The following STK3 variants were observed in gnomAD, a reference collection of about 807,000 sequenced individuals.
STK3 encodes serine/threonine-protein kinase 3.
In STK3, 41 loss-of-function variants were observed where a neutral mutation model predicts 58.0. That is an observed-to-expected ratio of 0.71 (90% CI 0.55 to 0.92). The LOEUF is 0.92. Among genes scored for constraint, STK3 ranks in the 40% least tolerant of loss-of-function variants. The pLI is 0.00. For missense variants in STK3, 479 were observed against 602.7 expected, an observed-to-expected ratio of 0.79 and a Z score of 2.15; for synonymous variants, 170 against 191.0, an observed-to-expected ratio of 0.89 and a Z score of 0.91.
At chr8:98,584,255 C>G (rs1463916438) in intron 7 of STK3, among the ~76,000 whole-genome samples, 2 of 151,632 alleles carry the variant, frequency 1.3e-5, no homozygotes, top group Admixed American at 6.6e-5. Context: ...CCCTTCCCCC[C>G]ACCCCACAAC....
intron 6 of STK3, among the ~76,000 whole-genome samples, chr8:98,622,879 T>C (rs1818431668): frequency 6.6e-6 from 1 of 152,206 alleles, no homozygotes; most frequent in African/African-American, 2.4e-5. Context: ...TCTACAGCAT[T>C]TAATTGTTAC....
At chr8:98,899,998 T>G (rs1415258220) in intron 1 of STK3, among the ~76,000 whole-genome samples, 2 of 152,236 alleles carry the variant, frequency 1.3e-5, no homozygotes, top group Non-Finnish European at 2.9e-5. Flanking sequence ...TGGCTAGTAA[T>G]ATAAATGTAT....
intron 1 of STK3, among the ~76,000 whole-genome samples, chr8:98,380,748 G>A (rs551038129): frequency 1.1e-4 from 17 of 152,200 alleles, no homozygotes; most frequent in Non-Finnish European, 1.9e-4. Flanking sequence ...GAAAAGTTGA[G>A]CATGCTTTCA....
chr8:98,403,823 G>C (rs1817967721), intron 3 of STK3, among the ~76,000 whole-genome samples: 1 of 152,224 alleles, frequency 6.6e-6, no homozygotes, highest in Non-Finnish European at 1.5e-5. Flanking sequence ...CCAGTGCTCT[G>C]GTAAGTGCCA....
intron 10 of STK3, among the ~76,000 whole-genome samples, chr8:98,499,818 G>C (rs1823431375): frequency 6.6e-6 from 1 of 152,190 alleles, no homozygotes; most frequent in South Asian, 2.1e-4. Context: ...TGATTTGGAT[G>C]AGATCTTGGA....
intron 1 of STK3, among the ~76,000 whole-genome samples, chr8:98,891,960 C>A (rs927352635): frequency 1.3e-5 from 2 of 152,116 alleles, no homozygotes; most frequent in Admixed American, 6.5e-5. Context: ...TGACAAAAGA[C>A]CTCCCTATGC....
rs182574911 is a variant in STK3 at position 98,752,613 on chromosome 8, T to C, written c.237-3223A>G. On this transcript the variant is annotated intron_variant, in intron 3 of 10. Transcript: ENST00000419617. Reference sequence around the variant, plus strand: ...AATTGGCAAATGGGATCTAGTAAAATCAAAGAGCTTCTGTACAGCAAAAGA... The same window carrying C: ...AATTGGCAAATGGGATCTAGTAAAACCAAAGAGCTTCTGTACAGCAAAAGA... Among the ~76,000 whole-genome samples, 496 of 151,516 alleles carry C rather than the reference T, an allele frequency of 3.3e-3. 1 individual carries two copies. Among genetic ancestry groups the C allele is most frequent in the African/African-American group, 0.011 (474 of 41,288 alleles).
chr8:98,878,059 T>C (rs1837623267), intron 3 of STK3, among the ~76,000 whole-genome samples: 1 of 145,722 alleles, frequency 6.9e-6, no homozygotes, highest in South Asian at 2.2e-4. Context: ...CAAAAGAAAA[T>C]CTTTTTTTTT....
chr8:98,915,444 A>ATATATATATATATT (rs1190802437), intron 1 of STK3, among the ~76,000 whole-genome samples: 3 of 41,296 alleles, frequency 7.3e-5, no homozygotes, highest in East Asian at 1.8e-3. Context: ...ATATATATAT[A>ATATATATATATATT]TATATATATA....
chr8:98,720,516 C>T lies in STK3; in HGVS notation c.352-13205G>A, dbSNP rs574087122. ...CTGTAATCCCAGCACTTTGGAAGGCCGAGGCAGGTGGATCACAAGGTCAGG... is the reference window on the plus strand; with the variant it reads ...CTGTAATCCCAGCACTTTGGAAGGCTGAGGCAGGTGGATCACAAGGTCAGG... On this transcript the variant is annotated intron_variant, in intron 4 of 10. Transcript: ENST00000419617. Among the ~76,000 whole-genome samples the T allele has an allele frequency of 5.9e-5, 9 of 152,052 alleles. No homozygotes were observed. In the South Asian group the frequency reaches 8.3e-4, roughly 14 times the overall value.
At position 98,502,417 on chromosome 8, in the gene STK3, C is replaced by A. The variant is rs1823680851; in HGVS notation, c.1317+24325G>T. Among the ~76,000 whole-genome samples the A allele has an allele frequency of 2.0e-5, 3 of 152,128 alleles. No individual in the cohort carries two copies. In the South Asian group the frequency reaches 6.2e-4, roughly 32 times the overall value. On this transcript the variant is annotated intron_variant, in intron 10 of 10. Transcript: ENST00000419617. Reference sequence around the variant, plus strand: ...TTTATTTCTTTCTCTTGCCTGATTGCCCTGACCAGAACTTCCAACACTATG... The same window carrying A: ...TTTATTTCTTTCTCTTGCCTGATTGACCTGACCAGAACTTCCAACACTATG...
At chr8:98,473,521 A>T (rs997939172) in intron 10 of STK3, among the ~76,000 whole-genome samples, 4 of 152,204 alleles carry the variant, frequency 2.6e-5, no homozygotes, top group African/African-American at 9.6e-5. Flanking sequence ...AACTTCTCAA[A>T]GTATGGAGAA....
At chr8:98,721,074 C>T (rs1827384682) in intron 4 of STK3, 1 of 984,618 alleles carries the variant, frequency 1.0e-6, no homozygotes, top group Non-Finnish European at 1.2e-6. Context: ...GCACACTCAC[C>T]TGGCCAATAA....
intron 1 of STK3, among the ~76,000 whole-genome samples, chr8:98,885,001 G>T (rs1270851910): frequency 6.6e-6 from 1 of 152,192 alleles, no homozygotes; most frequent in African/African-American, 2.4e-5. Flanking sequence ...GTGTGGTTGG[G>T]CATGGTGTTG....
intron 10 of STK3, 43 bp from the exon 11 acceptor site, chr8:98,456,043 C>A: frequency 1.3e-6 from 2 of 1,534,228 alleles, no homozygotes; most frequent in Non-Finnish European, 1.8e-6. Flanking sequence ...AAATTATCCA[C>A]ATTATCCACA....
At position 98,749,264 on chromosome 8, in the gene STK3, T is replaced by A. The variant is rs750765417; in HGVS notation, c.351+12A>T. On this transcript the variant is annotated intron_variant, in intron 4 of 10. Coordinates refer to ENST00000419617, the MANE Select transcript of STK3 (RefSeq NM_006281.4). Reference sequence around the variant, plus strand: ...AGAAATGATATTAGCAAAACAATTTTAAAATACTTACTGTCTTGTTTCGTA... The same window carrying A: ...AGAAATGATATTAGCAAAACAATTTAAAAATACTTACTGTCTTGTTTCGTA... 1.9e-6 allele frequency: 3 copies of A among 1,564,882 alleles called. No homozygotes were observed. Among genetic ancestry groups the A allele is most frequent in the Non-Finnish European group, 1.7e-6 (2 of 1,144,538 alleles).
rs148303046 is a variant in STK3, at chr8:98,860,020, C to G, written c.110+23627G>C. On this transcript the variant is annotated intron_variant, in intron 3 of 12. Coordinates refer to the STK3 transcript ENST00000523601. ...GTGGGTGTTCAGAGGAAAGCGAAAC[C>G]AAATTCTGTCATTTATTCATGTTAG... Among the ~76,000 whole-genome samples the G allele has an allele frequency of 3.2e-3, 492 of 152,168 alleles. 3 individuals carry two copies. Among genetic ancestry groups the G allele is most frequent in the Non-Finnish European group, 5.4e-3 (370 of 67,994 alleles).
chr8:98,485,637 C>G (rs554519235), intron 10 of STK3, among the ~76,000 whole-genome samples: 13 of 152,212 alleles, frequency 8.5e-5, no homozygotes, highest in African/African-American at 2.9e-4. Context: ...TGCTTGAAAA[C>G]AGCACAGAAA....
chr8:98,547,975 T>C lies in STK3; in HGVS notation c.1135A>G (p.Met379Val), dbSNP rs1330381946. 12 of 1,583,492 alleles carry C rather than the reference T, an allele frequency of 7.6e-6. No individual in the cohort carries two copies. Among genetic ancestry groups the C allele is most frequent in the Non-Finnish European group, 1.0e-5 (12 of 1,167,764 alleles). Residue 379 changes from methionine (M) to valine (V), a missense_variant, in exon 9 of 11, where the codon ATG (methionine) becomes GTG (valine). Around this residue, in one of 3 missense-constraint regions of STK3, gnomAD observed 309 missense variants for 355.7 expected, o/e 0.87. Coordinates refer to ENST00000419617, the MANE Select transcript of STK3 (RefSeq NM_006281.4). ...ATGTAAAAAAGCCACATACTTTTCA[T>C]AGTTCCATCTTCTTCTTCCTCATCC... is the stretch of plus-strand genomic sequence containing the variant. ...SEDEEEEDGT[M>V]KRNATSPQVQ...
Sources: gnomAD v4.1 joint callset for allele counts (sites outside exome capture counted in the v4.1 genomes callset) on GRCh38, gnomAD v4.1.1 for gene constraint, gnomAD v4.1.1 regional missense constraint, MANE v1.5 for transcripts, NCBI Gene and HGNC (gene_info 2026-07-23, HGNC 2026-07-21) for gene names.